Variants in LRMDA observed in about 807,000 individuals in gnomAD.
LRMDA encodes leucine rich melanocyte differentiation associated.
LRMDA carries 18 observed loss-of-function variants against 29.8 expected under a neutral mutation model. The observed-to-expected ratio is 0.60, with a 90% CI of 0.42 to 0.90. The LOEUF is 0.90. Ranked by LOEUF, LRMDA falls within the 40% of genes least tolerant of loss-of-function variation. The pLI is 0.00. For synonymous variants in LRMDA, 125 were observed against 109.4 expected, an observed-to-expected ratio of 1.14 and a Z score of -0.89; for missense variants, 273 against 273.9, an observed-to-expected ratio of 1.00 and a Z score of 0.02.
At chr10:76,392,132 C>G (rs1332374366) in intron 6 of LRMDA, among the ~76,000 whole-genome samples, 1 of 152,022 alleles carries the variant, frequency 6.6e-6, no homozygotes, top group Non-Finnish European at 1.5e-5. Context: ...TTGCTTAGTA[C>G]AGCTAATTCT....
intron 6 of LRMDA, among the ~76,000 whole-genome samples, chr10:76,543,708 C>T (rs1218858556): frequency 6.6e-6 from 1 of 152,182 alleles, no homozygotes; most frequent in African/African-American, 2.4e-5. Context: ...TAGAGAGCCT[C>T]ATCTTCTAGG....
chr10:76,186,445 C>A (rs1239311606), intron 5 of LRMDA, among the ~76,000 whole-genome samples: 1 of 152,210 alleles, frequency 6.6e-6, no homozygotes, highest in African/African-American at 2.4e-5. Flanking sequence ...AACTTTACCA[C>A]CTTTTTACTT....
At chr10:76,169,791 G>A (rs1850802508) in intron 5 of LRMDA, among the ~76,000 whole-genome samples, 1 of 152,156 alleles carries the variant, frequency 6.6e-6, no homozygotes. Flanking sequence ...AAAGATTACA[G>A]CCCAGCTTAG....
At position 75,793,395 on chromosome 10, in the gene LRMDA, G is replaced by A. The variant is rs138945753; in HGVS notation, c.132-242613G>A. ...AGGGAAGGGTTAGGGGCAACTTTTG[G>A]AATTTTTATGATTCAGACTTCTACC... On this transcript the variant is annotated intron_variant, in intron 2 of 6. Transcript: ENST00000611255. Among the ~76,000 whole-genome samples the A allele has an allele frequency of 1.1e-4, 16 of 152,258 alleles. No homozygotes were observed. In the East Asian group the frequency reaches 3.1e-3, roughly 29 times the overall value.
At chr10:75,661,267 G>T (rs1431000288) in intron 2 of LRMDA, among the ~76,000 whole-genome samples, 1 of 152,178 alleles carries the variant, frequency 6.6e-6, no homozygotes, top group Non-Finnish European at 1.5e-5. Context: ...AGACCTGCAC[G>T]CCTCGACTCT....
At chr10:76,462,396 G>A (rs1319733570) in intron 6 of LRMDA, among the ~76,000 whole-genome samples, 1 of 152,052 alleles carries the variant, frequency 6.6e-6, no homozygotes, top group East Asian at 1.9e-4. Context: ...CAGTTGACAG[G>A]AATTGGTAGT....
At chr10:75,587,239 G>A (rs1265827976) in intron 2 of LRMDA, among the ~76,000 whole-genome samples, 2 of 152,096 alleles carry the variant, frequency 1.3e-5, no homozygotes, top group Admixed American at 6.6e-5. Context: ...ATGCATTTAG[G>A]CTAAACAGAA....
chr10:75,533,611 G>A (rs947157928), intron 2 of LRMDA, among the ~76,000 whole-genome samples: 2 of 152,306 alleles, frequency 1.3e-5, no homozygotes, highest in Non-Finnish European at 2.9e-5. Flanking sequence ...CTTGTCTCTT[G>A]ATGTGCAAGA....
intron 2 of LRMDA, among the ~76,000 whole-genome samples, chr10:75,797,494 A>G (rs1292613188): frequency 1.3e-5 from 2 of 152,118 alleles, no homozygotes; most frequent in Non-Finnish European, 2.9e-5. Flanking sequence ...CCACAATCCA[A>G]TATTAGAAGA....
chr10:76,335,119 C>T (rs1156260218), intron 6 of LRMDA, among the ~76,000 whole-genome samples: 3 of 152,180 alleles, frequency 2.0e-5, no homozygotes, highest in Non-Finnish European at 2.9e-5. Context: ...TGGTCATAAT[C>T]TAGGTGAAAG....
chr10:76,334,331 G>T (rs1840941000), intron 6 of LRMDA, among the ~76,000 whole-genome samples: 1 of 152,020 alleles, frequency 6.6e-6, no homozygotes, highest in Admixed American at 6.6e-5. Context: ...CCCTGCCCCA[G>T]GTTTTTCCTC....
intron 6 of LRMDA, among the ~76,000 whole-genome samples, chr10:76,381,675 A>G (rs1841594484): frequency 6.6e-6 from 1 of 152,104 alleles, no homozygotes; most frequent in Non-Finnish European, 1.5e-5. Flanking sequence ...CTCCTTTCTT[A>G]TTCCTACCTA....
chr10:76,364,283 A>T (rs1372404606), intron 6 of LRMDA, among the ~76,000 whole-genome samples: 1 of 152,152 alleles, frequency 6.6e-6, no homozygotes, highest in East Asian at 1.9e-4. Flanking sequence ...AGCTTAAGTG[A>T]GATTTTTGAC....
chr10:76,488,211 A>G (rs1432447798), intron 6 of LRMDA, among the ~76,000 whole-genome samples: 3 of 151,878 alleles, frequency 2.0e-5, no homozygotes, highest in Admixed American at 6.6e-5. Context: ...TTGTAGAACT[A>G]TTATTGAAAG....
At chr10:75,786,424 C>T (rs916779460) in intron 2 of LRMDA, among the ~76,000 whole-genome samples, 2 of 152,156 alleles carry the variant, frequency 1.3e-5, no homozygotes, top group African/African-American at 4.8e-5. Context: ...TTTTCATTTT[C>T]AAGCTTAATA....
rs564633857 is a variant in LRMDA, at chr10:75,672,885, C to G, written c.131+234391C>G. 6.6e-5 allele frequency among the ~76,000 whole-genome samples: 10 copies of G among 151,578 alleles called. No individual in the cohort carries two copies. In the South Asian group the frequency reaches 2.1e-3, roughly 32 times the overall value. On this transcript the variant is annotated intron_variant, in intron 2 of 6. Coordinates refer to ENST00000611255, the MANE Select transcript of LRMDA (RefSeq NM_001305581.2). ...CTGCGCCCAACCCTTTGTATTGTTT[C>G]CTTCCACCGTTGGCTTTTAATGGTT...
chr10:76,258,590 A>G (rs1053852470), intron 5 of LRMDA, among the ~76,000 whole-genome samples: 3 of 152,074 alleles, frequency 2.0e-5, no homozygotes, highest in South Asian at 2.1e-4. Context: ...TCATCCTTTA[A>G]CAAATCTCCC....
At chr10:75,691,085 TATCTATGTACATAGATATATAG>T (rs1168260106) in intron 2 of LRMDA, among the ~76,000 whole-genome samples, 2 of 104,960 alleles carry the variant, frequency 1.9e-5, no homozygotes, top group Non-Finnish European at 3.5e-5. Context: ...TAGATCTATA[TATCTATGTACATAGATATATAG>T]ATCTATATAT....
chr10:76,280,454 T>C (rs1164141050), intron 5 of LRMDA, among the ~76,000 whole-genome samples: 3 of 152,216 alleles, frequency 2.0e-5, no homozygotes, highest in Admixed American at 6.5e-5. Context: ...CGTTTTTGCA[T>C]TGTCTACCCT....
Sources: gnomAD v4.1 joint callset for allele counts (sites outside exome capture counted in the v4.1 genomes callset) on GRCh38, gnomAD v4.1.1 for gene constraint, MANE v1.5 for transcripts, NCBI Gene and HGNC (gene_info 2026-07-23, HGNC 2026-07-21) for gene names.